Variants in RANBP1 observed in about 807,000 individuals in gnomAD.
The protein encoded by RANBP1 is RAN binding protein 1.
Under a neutral mutation model 31.4 loss-of-function variants are expected in RANBP1, and 16 were observed. The ratio of observed to expected loss-of-function variants is 0.51; its 90% CI spans 0.34 to 0.77. The LOEUF is 0.77. RANBP1 is among the 30% of genes least tolerant of loss of function. The probability of loss-of-function intolerance (pLI) is 0.01; values close to 1 mark genes in which losing one functional copy is unlikely to be tolerated. For missense variants in RANBP1, 265 were observed against 362.0 expected (o/e 0.73, Z 2.17); for synonymous variants, 129 against 140.5 (o/e 0.92, Z 0.58).
At chr22:20,119,428 T>G (rs894431530) in intron 2 of RANBP1, 2 of 416,768 alleles carry the variant, frequency 4.8e-6, no homozygotes, top group African/African-American at 4.0e-5. Context: ...CACTGGCTTC[T>G]GAGGATCCAG....
chr22:20,117,217 G>T, intron 1 of RANBP1: 1 of 542,898 alleles, frequency 1.8e-6, no homozygotes, highest in Non-Finnish European at 3.0e-6. Context: ...CGGAGGCCGA[G>T]CGTCTCTATG....
Position 20,122,338 on chromosome 22 carries a change from A to G in RANBP1, c.458A>G (p.Lys153Arg), listed in dbSNP as rs2050190051. The G allele has an allele frequency of 6.2e-7, 1 of 1,613,206 alleles. No homozygotes were observed. The highest frequency in any genetic ancestry group is 8.5e-7 in the Non-Finnish European group (1 of 1,179,976). Reference sequence around the variant, plus strand: ...AAGGAGCGAGGCACTGGTGACGTCAAGCTCCTGAAGCACAAGGAGAAAGGG... The same window carrying G: ...AAGGAGCGAGGCACTGGTGACGTCAGGCTCCTGAAGCACAAGGAGAAAGGG... The part of the protein sequence containing the change: ...EWKERGTGDV[K>R]LLKHKEKGAI... Residue 153 changes from lysine to arginine, a missense_variant, in exon 3 of 6, where the codon AAG becomes AGG. Lys to Arg is a conservative substitution (Grantham distance 26). Transcript: ENST00000430524.
At chr22:20,124,098 C>T (rs1385777684) in intron 3 of RANBP1, 1 of 152,808 alleles carries the variant, frequency 6.5e-6, no homozygotes, top group Non-Finnish European at 1.5e-5. Context: ...CATGTCTAGT[C>T]CTGGGGAAGC....
In RANBP1 at chr22:20,127,256, C is replaced by T. The variant is rs541187063; in HGVS notation, c.*204C>T. ...AGATGACTTCAGAAAATCCATTCCC[C>T]AGTCATGAAAATGTACTGTGCTAAC... On this transcript the variant is annotated 3_prime_UTR_variant, in exon 6 of 6. Coordinates refer to ENST00000430524, the MANE Select transcript of RANBP1 (RefSeq NM_001278639.2). 30 of 417,760 alleles carry T rather than the reference C, an allele frequency of 7.2e-5. No individual in the cohort carries two copies. The highest frequency in any genetic ancestry group is 2.2e-4 in the South Asian group (8 of 36,990). 25.9% of individuals were successfully genotyped at this position (417,760 alleles called of 1,614,324 possible). A position where few individuals can be genotyped will look rare whatever the true frequency, so the allele number is the denominator to read the frequency against.
At chr22:20,116,458 T>C (rs758915275) in intron 1 of RANBP1, 28 bp downstream of exon 1, 1 of 1,612,874 alleles carries the variant, frequency 6.2e-7, no homozygotes. Flanking sequence ...GATGTAGCTG[T>C]AGAGCCCGGG....
chr22:20,127,169 A>G lies in RANBP1; in HGVS notation c.*117A>G. The G allele has an allele frequency of 1.2e-6, 1 of 840,332 alleles. No individual in the cohort carries two copies. The highest frequency in any genetic ancestry group is 3.0e-5 in the East Asian group (1 of 32,894). 52.1% of individuals were successfully genotyped at this position (840,332 alleles called of 1,614,324 possible). On this transcript the variant is annotated 3_prime_UTR_variant, in exon 6 of 6. Transcript: ENST00000430524. ...TCATTTTTACAAGGGACGTTATATA[A>G]AGAACTGAACTCAACATTCAGGTTG... is the stretch of plus-strand genomic sequence containing the variant.
At position 20,125,154 on chromosome 22, in the gene RANBP1, A is replaced by C. The variant is rs549282042; in HGVS notation, c.542-154A>C. On this transcript the variant is annotated intron_variant, in intron 3 of 5. Coordinates refer to ENST00000430524, the MANE Select transcript of RANBP1 (RefSeq NM_001278639.2). ...TTGAATAAAACTCAGGCGCCGTGGT[A>C]CTTTGTCTAAGCCTGGTTCTCCAAC... is the stretch of plus-strand genomic sequence containing the variant. 21 of 766,752 alleles carry C rather than the reference A, an allele frequency of 2.7e-5. No individual in the cohort carries two copies. The African/African-American group carries it at 3.5e-4, about 13-fold the overall frequency. The allele number at this position is 766,752 out of a possible 1,614,324, so 47.5% of individuals were successfully genotyped here.
intron 1 of RANBP1, 103 bp from the exon 2 acceptor site, chr22:20,118,910 A>C: frequency 2.5e-6 from 3 of 1,217,792 alleles, no homozygotes; most frequent in Non-Finnish European, 3.5e-6. Context: ...TTGTATCTGA[A>C]GTCCCTTCAT....
At chr22:20,118,281 C>G in intron 1 of RANBP1, 2 of 1,002,440 alleles carry the variant, frequency 2.0e-6, no homozygotes, top group Non-Finnish European at 2.4e-6. Flanking sequence ...GTGGTGAAGT[C>G]TTGGGTCTCT....
In RANBP1 at chr22:20,125,424, C is replaced by T; in HGVS notation, c.658C>T (p.Leu220=). ...GCCAGAGCTGCTGGCCATCCGCTTCCTGAATGCTGAGAGTGAGCCAAGGGC... is the reference window on the plus strand; with the variant it reads ...GCCAGAGCTGCTGGCCATCCGCTTCTTGAATGCTGAGAGTGAGCCAAGGGC... ...PKPELLAIRF[L]NAENAQKFKT... Residue 220 remains leucine (L), a synonymous_variant, in exon 4 of 6, where the codon CTG becomes TTG. Coordinates refer to ENST00000430524, the MANE Select transcript of RANBP1 (RefSeq NM_001278639.2). 1.2e-6 allele frequency: 2 copies of T among 1,606,592 alleles called. No homozygotes were observed. Among genetic ancestry groups the T allele is most frequent in the Non-Finnish European group, 1.7e-6 (2 of 1,176,860 alleles).
chr22:20,116,580 C>T, intron 1 of RANBP1, 150 bp downstream of exon 1: 1 of 1,563,836 alleles, frequency 6.4e-7, no homozygotes, highest in Non-Finnish European at 8.6e-7. Flanking sequence ...CACTGCTGCT[C>T]TCCTGGCCAC....
intron 3 of RANBP1, 118 bp from the exon 4 acceptor site, chr22:20,125,189 TC>T (rs2147991676): frequency 1.7e-6 from 2 of 1,144,470 alleles, no homozygotes; most frequent in East Asian, 4.8e-5. Context: ...CCCCAGACTG[TC>T]CCCGTGTTGT....
At position 20,122,835 on chromosome 22, in the gene RANBP1, G is replaced by T. The variant is rs571051179; in HGVS notation, c.541+414G>T. On this transcript the variant is annotated intron_variant, in intron 3 of 5. Transcript: ENST00000430524. Reference sequence around the variant, plus strand: ...TATGTGTAGTATCTAGGGGGCTGTGGTGTCTACTGGTGGTGGTGTATAGGG... The same window carrying T: ...TATGTGTAGTATCTAGGGGGCTGTGTTGTCTACTGGTGGTGGTGTATAGGG... 4.4e-5 allele frequency: 31 copies of T among 709,978 alleles called. No homozygotes were observed. The South Asian group carries it at 5.7e-4, about 13-fold the overall frequency. The allele number at this position is 709,978 out of a possible 1,614,324, so 44.0% of individuals were successfully genotyped here.
intron 4 of RANBP1, 112 bp from the exon 5 acceptor site, chr22:20,126,191 C>T: frequency 7.9e-7 from 1 of 1,269,032 alleles, no homozygotes; most frequent in Non-Finnish European, 1.1e-6. Context: ...TTTCTTAGGT[C>T]AGCAATTACC....
Position 20,126,285 on chromosome 22 carries a change from TCG to T in RANBP1, c.671-16_671-15del. On this transcript the variant is annotated splice_polypyrimidine_tract_variant and intron_variant, in intron 4 of 5. Coordinates refer to ENST00000430524, the MANE Select transcript of RANBP1 (RefSeq NM_001278639.2). ...ACTGCTCACAGCTCTTAGGAAGTCTTCGCTCTCCCTTCCACAGATGCACAGAA... is the reference window on the plus strand; with the variant it reads ...ACTGCTCACAGCTCTTAGGAAGTCTTCTCTCCCTTCCACAGATGCACAGAA... 3 of 1,609,356 alleles carry T rather than the reference TCG, an allele frequency of 1.9e-6. No individual in the cohort carries two copies. Among genetic ancestry groups the T allele is most frequent in the Non-Finnish European group, 2.5e-6 (3 of 1,177,674 alleles).
Position 20,119,133 on chromosome 22 carries a change from GA to G in RANBP1, c.368del (p.Glu123GlyfsTer33). 6.2e-7 allele frequency: 1 copy of G among 1,613,040 alleles called. No homozygotes were observed. The highest frequency in any genetic ancestry group is 8.5e-7 in the Non-Finnish European group (1 of 1,179,260). ...QEIKTLEEDE[E>X]ELFKMRAKLF... ...AATTAAAACACTGGAAGAAGATGAAGAGGAACTTTTTAAAATGTAAGTAGGC... is the reference window on the plus strand; with the variant it reads ...AATTAAAACACTGGAAGAAGATGAAGGGAACTTTTTAAAATGTAAGTAGGC... On this transcript the variant is annotated frameshift_variant, in exon 2 of 6. Transcript: ENST00000430524. LOFTEE classifies it high-confidence loss of function.
At chr22:20,120,022 A>G (rs1469124214) in intron 2 of RANBP1, among the ~76,000 whole-genome samples, 4 of 152,206 alleles carry the variant, frequency 2.6e-5, no homozygotes, top group African/African-American at 9.7e-5. Flanking sequence ...TCAGGATTGC[A>G]ACAAACATCA....
chr22:20,127,341 C>T lies in RANBP1; in HGVS notation c.*289C>T. 1 of 284,278 alleles carries T rather than the reference C, an allele frequency of 3.5e-6. No homozygotes were observed. The highest frequency in any genetic ancestry group is 3.6e-5 in the South Asian group (1 of 27,688). 17.6% of individuals were successfully genotyped at this position (284,278 alleles called of 1,614,324 possible). On this transcript the variant is annotated 3_prime_UTR_variant, in exon 6 of 6. Transcript: ENST00000430524. ...CATCAAAAATAGTGAATAAAAAACA[C>T]ATTTGGAACCTGGGCCAGATGGCAG...
chr22:20,116,348 C>G lies in RANBP1; in HGVS notation c.164C>G (p.Pro55Arg), dbSNP rs779599374. Reference sequence around the variant, plus strand: ...AGTTTGGTTTTGTGGGGCTGCAGACCAAAGCGGCCCAGGAAGCGCCGGACG... The same window carrying G: ...AGTTTGGTTTTGTGGGGCTGCAGACGAAAGCGGCCCAGGAAGCGCCGGACG... Reference protein sequence around the residue: ...PKSLVLWGCRPKRPRKRRTSL... With the variant: ...PKSLVLWGCRRKRPRKRRTSL... Residue 55 changes from proline to arginine, a missense_variant, in exon 1 of 6, where the codon CCA (proline) becomes CGA (arginine). Physicochemically the swap from Pro to Arg is moderately radical, Grantham distance 103. Around this residue, in one of 3 missense-constraint regions of RANBP1, gnomAD observed 126 missense variants for 123.6 expected, o/e 1.02. Transcript: ENST00000430524. 5 of 1,612,846 alleles carry G rather than the reference C, an allele frequency of 3.1e-6. No individual in the cohort carries two copies. In the African/African-American group the frequency reaches 4.0e-5, roughly 13 times the overall value.
Sources: allele counts gnomAD v4.1 joint callset (sites outside exome capture counted in the v4.1 genomes callset), GRCh38; gene constraint gnomAD v4.1.1; regional missense constraint gnomAD v4.1.1; transcripts MANE v1.5; gene names NCBI Gene and HGNC (gene_info 2026-07-23, HGNC 2026-07-21).